Variants in DNPEP observed in about 807,000 individuals in gnomAD.
DNPEP encodes the protein aspartyl aminopeptidase.
In DNPEP, 46 loss-of-function variants were observed where a neutral mutation model predicts 59.1. That is an observed-to-expected ratio of 0.78 (90% CI 0.61 to 0.99). The LOEUF (loss-of-function observed/expected upper bound fraction) is 0.99, where lower values mean the gene tolerates loss of function less well. DNPEP is among the 50% of genes least tolerant of loss of function. The pLI, the probability that DNPEP is intolerant of heterozygous loss-of-function variation, is 0.00. For synonymous variants in DNPEP, 229 were observed against 242.2 expected (o/e 0.95, Z 0.50); for missense variants, 617 against 649.9 (o/e 0.95, Z 0.55).
Position 219,385,657 on chromosome 2 carries a change from G to A in DNPEP, c.640C>T (p.Pro214Ser), listed in dbSNP as rs759112997. The A allele has an allele frequency of 4.3e-5, 70 of 1,611,688 alleles. No homozygotes were observed. Among genetic ancestry groups the A allele is most frequent in the Non-Finnish European group, 5.4e-5 (64 of 1,178,856 alleles). Reference protein sequence around the residue: ...AIQEELEKGTPEPGPLNAVDE... With the variant: ...AIQEELEKGTSEPGPLNAVDE... ...ACAGCATTGAGAGGCCCTGGCTCAG[G>A]AGTCCCCTTCTCCAGCTCCTCCTGG... is the stretch of plus-strand genomic sequence containing the variant. The change falls in exon 7 of 15, where the codon CCT (proline) becomes TCT (serine). Residue 214 changes from proline (P) to serine (S), a missense_variant. Coordinates refer to ENST00000273075, the MANE Select transcript of DNPEP (RefSeq NM_012100.4).
At chr2:219,398,795 A>G (rs938875179) in intron 1 of DNPEP, among the ~76,000 whole-genome samples, 1 of 152,214 alleles carries the variant, frequency 6.6e-6, no homozygotes, top group Non-Finnish European at 1.5e-5. Context: ...GTGCACTCCT[A>G]CCACCCAAGG....
chr2:219,381,809 T>A, intron 11 of DNPEP, 170 bp downstream of exon 11: 1 of 901,998 alleles, frequency 1.1e-6, no homozygotes, highest in South Asian at 1.6e-5. Context: ...AGGCATTGCA[T>A]GACTTTGACC....
upstream of DNPEP, chr2:219,387,971 G>T (rs1209901373): frequency 2.0e-6 from 2 of 975,942 alleles, no homozygotes; most frequent in African/African-American, 3.9e-5. Flanking sequence ...CCCGCCCCTC[G>T]GCATCCGCCC....
At chr2:219,391,420 T>G (rs1574998953), upstream of DNPEP, among the ~76,000 whole-genome samples, 1 of 152,312 alleles carries the variant, frequency 6.6e-6, no homozygotes, top group Admixed American at 6.5e-5. Context: ...AGCATGCCAT[T>G]ATGTAGATTT....
In DNPEP at chr2:219,385,424, C is replaced by G; in HGVS notation, c.774G>C (p.Ala258=). The change falls in exon 8 of 15, where the codon GCG becomes GCC. Residue 258 remains alanine (A), a splice_region_variant and synonymous_variant. Coordinates refer to ENST00000273075, the MANE Select transcript of DNPEP (RefSeq NM_012100.4). The stretch of plus-strand genomic sequence containing the variant: ...ACAGGTTCCTACAGCCAGTCCTCAC[C>G]GCAGGCTGGGTGTCTGCAAGGCAGA... ...MELCLADTQP[A]VLGGAYDEFI... is the part of the protein sequence containing the mutation. 6.2e-7 allele frequency: 1 copy of G among 1,606,772 alleles called. No individual in the cohort carries two copies. The highest frequency in any genetic ancestry group is 8.5e-7 in the Non-Finnish European group (1 of 1,173,718).
rs757838004 is a variant in DNPEP, at chr2:219,386,311, G to A, written c.434C>T (p.Thr145Ile). The A allele has an allele frequency of 1.9e-6, 3 of 1,614,066 alleles. No individual in the cohort carries two copies. Among genetic ancestry groups the A allele is most frequent in the African/African-American group, 1.3e-5 (1 of 74,910 alleles). Reference sequence around the variant, plus strand: ...CTTGACAATGACGCGTCCAGCCAGAGTCAGGTCACGGTCAAACCAGGTGCT... The same window carrying A: ...CTTGACAATGACGCGTCCAGCCAGAATCAGGTCACGGTCAAACCAGGTGCT... ...IWSTWFDRDL[T>I]LAGRVIVKCP... is the part of the protein sequence containing the mutation. Residue 145 changes from threonine to isoleucine, a missense_variant, in exon 5 of 15, where the codon ACT (threonine) becomes ATT (isoleucine). Coordinates refer to ENST00000273075, the MANE Select transcript of DNPEP (RefSeq NM_012100.4).
chr2:219,387,775 G>A lies in DNPEP; in HGVS notation c.20C>T (p.Thr7Met), dbSNP rs1331761887. The A allele has an allele frequency of 1.0e-5, 16 of 1,602,962 alleles. No homozygotes were observed. Among genetic ancestry groups the A allele is most frequent in the East Asian group, 2.3e-5 (1 of 43,728 alleles). ...GCCACTTACCTGCATGGCCCCGCGC[G>A]TGGGGCTGTGTCCGCTCATCTGGCC... The part of the protein sequence containing the change: MSGHSP[T>M]RGAMQVAMNG... The change falls in exon 1 of 15, where the codon ACG (threonine) becomes ATG (methionine). Residue 7 changes from threonine (T) to methionine (M), a missense_variant. Physicochemically the swap from Thr to Met is moderately conservative, Grantham distance 81. Coordinates refer to ENST00000273075, the MANE Select transcript of DNPEP (RefSeq NM_012100.4).
Position 219,386,712 on chromosome 2 carries a change from T to G in DNPEP, c.286A>C (p.Asn96His). ...TGGGCCCCGATGAGGCTGAAGCCAT[T>G]GCCAGGAACGTACTGGCCCCCTACA... is the stretch of plus-strand genomic sequence containing the variant. ...FAVGGQYVPG[N>H]GFSLIGAHTD... The change falls in exon 4 of 15, where the codon AAT becomes CAT. Residue 96 changes from asparagine to histidine, a missense_variant. Transcript: ENST00000273075. The G allele has an allele frequency of 3.1e-6, 5 of 1,613,118 alleles. No homozygotes were observed. The highest frequency in any genetic ancestry group is 4.2e-6 in the Non-Finnish European group (5 of 1,179,798).
chr2:219,377,723 A>G (rs1442887383), intron 13 of DNPEP, among the ~76,000 whole-genome samples: 1 of 152,146 alleles, frequency 6.6e-6, no homozygotes, highest in East Asian at 1.9e-4. Context: ...CAGGAGTTCA[A>G]GACCAGCCTG....
rs753485877 is a variant in DNPEP, at chr2:219,381,468, G to A, written c.1138-32C>T. 3 of 1,613,732 alleles carry A rather than the reference G, an allele frequency of 1.9e-6. No individual in the cohort carries two copies. The African/African-American group carries it at 4.0e-5, about 22-fold the overall frequency. On this transcript the variant is annotated intron_variant, in intron 12 of 14. Transcript: ENST00000273075. ...AGAGTCAAGGTGAGGCAGAGGTAAT[G>A]ACAGGCCCAAAGGGAATGAGTCGGC...
In DNPEP at chr2:219,385,630, C is replaced by T. The variant is rs1953780141; in HGVS notation, c.666+1G>A. 1 of 1,612,936 alleles carries T rather than the reference C, an allele frequency of 6.2e-7. No homozygotes were observed. The highest frequency in any genetic ancestry group is 1.7e-5 in the Admixed American group (1 of 59,924). On this transcript the variant is annotated splice_donor_variant, in intron 7 of 14. Transcript: ENST00000273075. LOFTEE classifies it high-confidence loss of function. ...TCCCCATGATCAGGAGACTCTCTTACCACAGCATTGAGAGGCCCTGGCTCA... is the reference window on the plus strand; with the variant it reads ...TCCCCATGATCAGGAGACTCTCTTATCACAGCATTGAGAGGCCCTGGCTCA...
upstream of DNPEP, among the ~76,000 whole-genome samples, chr2:219,392,029 A>T (rs1483579531): frequency 1.3e-5 from 2 of 152,210 alleles, no homozygotes; most frequent in Non-Finnish European, 1.5e-5. Flanking sequence ...GATGTTATAT[A>T]AATACATATG....
chr2:219,387,316 AG>A (rs1340991900), intron 1 of DNPEP, 153 bp from the exon 2 acceptor site: 1 of 1,442,554 alleles, frequency 6.9e-7, no homozygotes, highest in East Asian at 2.5e-5. Context: ...ACCCAAACCC[AG>A]GGCTGAAACT....
At chr2:219,384,309 C>T in intron 9 of DNPEP, 57 bp downstream of exon 9, 1 of 1,542,240 alleles carries the variant, frequency 6.5e-7, no homozygotes, top group African/African-American at 1.4e-5. Context: ...CCCCCGACCC[C>T]AAACATACCA....
chr2:219,385,830 A>T lies in DNPEP; in HGVS notation c.591-124T>A, dbSNP rs572324192. Reference sequence around the variant, plus strand: ...CCTTCAATTCCCAGCCCACTCCCCAAATCACAAGGCTGTGAGGACCCTTAG... The same window carrying T: ...CCTTCAATTCCCAGCCCACTCCCCATATCACAAGGCTGTGAGGACCCTTAG... On this transcript the variant is annotated intron_variant, in intron 6 of 14. Transcript: ENST00000273075. The T allele has an allele frequency of 3.5e-6, 5 of 1,447,924 alleles. No homozygotes were observed. The African/African-American group carries it at 7.0e-5, about 20-fold the overall frequency. 89.7% of individuals were successfully genotyped at this position (1,447,924 alleles called of 1,614,324 possible). A position where few individuals can be genotyped will look rare whatever the true frequency, so the allele number is the denominator to read the frequency against.
At position 219,382,077 on chromosome 2, in the gene DNPEP, G is replaced by A. The variant is rs1953626226; in HGVS notation, c.999C>T (p.Ile333=). 1 of 1,613,860 alleles carries A rather than the reference G, an allele frequency of 6.2e-7. No homozygotes were observed. Among genetic ancestry groups the A allele is most frequent in the African/African-American group, 1.3e-5 (1 of 74,946 alleles). ...SLLTELVLRR[I]SASCQHPTAF... is the part of the protein sequence containing the mutation. ...CTGTCGGGTGCTGGCACGAGGCTGA[G>A]ATCCGCCGCAGCACCAGCTCTGTCA... The change falls in exon 11 of 15, where the codon ATC becomes ATT. Residue 333 remains isoleucine, a synonymous_variant. Coordinates refer to ENST00000273075, the MANE Select transcript of DNPEP (RefSeq NM_012100.4).
chr2:219,384,788 C>T (rs1452975792), intron 8 of DNPEP: 4 of 236,684 alleles, frequency 1.7e-5, no homozygotes, highest in East Asian at 1.4e-4. Flanking sequence ...AGGCTAGTCT[C>T]GAACTCCTGA....
At chr2:219,399,886 A>C (rs1575005612) in intron 1 of DNPEP, 1 of 1,550,606 alleles carries the variant, frequency 6.4e-7, no homozygotes, top group African/African-American at 1.4e-5. Context: ...CCATTGAGCC[A>C]GCTGTTGGGG....
At chr2:219,398,031 G>C (rs1954126869) in intron 1 of DNPEP, among the ~76,000 whole-genome samples, 1 of 152,150 alleles carries the variant, frequency 6.6e-6, no homozygotes, top group South Asian at 2.1e-4. Flanking sequence ...CATCACACCT[G>C]GCCCAGAGAG....
Sources: gnomAD v4.1 joint callset for allele counts (sites outside exome capture counted in the v4.1 genomes callset) on GRCh38, gnomAD v4.1.1 for gene constraint, MANE v1.5 for transcripts, NCBI Gene and HGNC (gene_info 2026-07-23, HGNC 2026-07-21) for gene names.